KCNIP4: variants seen among roughly 807,000 people sequenced by gnomAD.
The protein encoded by KCNIP4 is Kv channel-interacting protein 4.
KCNIP4 carries 12 observed loss-of-function variants against 34.0 expected under a neutral mutation model. The ratio of observed to expected loss-of-function variants is 0.35; its 90% CI spans 0.23 to 0.57. KCNIP4 has a LOEUF of 0.57. Ranked by LOEUF, KCNIP4 falls within the 20% of genes least tolerant of loss-of-function variation. KCNIP4 has a pLI of 0.83. For missense variants in KCNIP4, 238 were observed against 311.7 expected (o/e 0.76, Z 1.78); for synonymous variants, 124 against 102.2 (o/e 1.21, Z -1.29).
rs576564729 is a variant in KCNIP4 at position 20,966,940 on chromosome 4, A to G, written c.62-84231T>C. ...TTATGATGATTTTCATCTTATGGGC[A>G]GGAGAACTGAGGTTCAGACAGGTTT... On this transcript the variant is annotated intron_variant, in intron 1 of 8. Coordinates refer to ENST00000382152, the MANE Select transcript of KCNIP4 (RefSeq NM_025221.6). Among the ~76,000 whole-genome samples the G allele has an allele frequency of 1.1e-4, 16 of 152,284 alleles. No homozygotes were observed. In the South Asian group the frequency reaches 3.3e-3, roughly 32 times the overall value.
intron 1 of KCNIP4, among the ~76,000 whole-genome samples, chr4:21,025,565 T>TG (rs1740480887): frequency 4.7e-5 from 6 of 127,782 alleles, no homozygotes; most frequent in Non-Finnish European, 6.6e-5. Flanking sequence ...TTTTTTTTTT[T>TG]TTTTTTGAGA....
At chr4:20,845,963 C>T (rs1334527229) in intron 3 of KCNIP4, among the ~76,000 whole-genome samples, 2 of 152,140 alleles carry the variant, frequency 1.3e-5, no homozygotes, top group Non-Finnish European at 2.9e-5. Context: ...TTTCTGAACT[C>T]CTGATCCTTG....
At chr4:21,775,675 T>A (rs1173279358) in intron 1 of KCNIP4, among the ~76,000 whole-genome samples, 1 of 152,096 alleles carries the variant, frequency 6.6e-6, no homozygotes, top group Non-Finnish European at 1.5e-5. Flanking sequence ...TTATTGGAGA[T>A]CCTGCAGAGA....
intron 1 of KCNIP4, among the ~76,000 whole-genome samples, chr4:21,646,069 A>G (rs1746986356): frequency 6.6e-6 from 1 of 152,104 alleles, no homozygotes; most frequent in South Asian, 2.1e-4. Flanking sequence ...GTTGTCTCTC[A>G]TCTGAATCAT....
intron 1 of KCNIP4, among the ~76,000 whole-genome samples, chr4:21,133,795 T>G (rs1433488): frequency 0.5 from 76,413 of 151,930 alleles, 20,096 homozygotes; most frequent in African/African-American, 0.65. Context: ...AAGTTGTATT[T>G]TGTTTTCTAA....
In KCNIP4 at chr4:21,574,250, A is replaced by ATTTCAT. The variant is rs561815127; in HGVS notation, c.61+374315_61+374320dup. Among the ~76,000 whole-genome samples, 133 of 152,224 alleles carry ATTTCAT rather than the reference A, an allele frequency of 8.7e-4. 1 individual carries two copies. The highest frequency in any genetic ancestry group is 3.0e-3 in the African/African-American group (125 of 41,544). On this transcript the variant is annotated intron_variant, in intron 1 of 8. Coordinates refer to ENST00000382152, the MANE Select transcript of KCNIP4 (RefSeq NM_025221.6). ...GTTTATCGTGTACCTGAAATTTACA[A>ATTTCAT]TTTCATTTTCATTTTCATTTTGACC...
intron 3 of KCNIP4, among the ~76,000 whole-genome samples, chr4:20,765,246 T>A (rs1755294435): frequency 6.6e-6 from 1 of 152,192 alleles, no homozygotes; most frequent in Non-Finnish European, 1.5e-5. Context: ...TGAATTGCAA[T>A]GCTATCTTGC....
At chr4:21,238,298 C>T (rs1046170822) in intron 1 of KCNIP4, among the ~76,000 whole-genome samples, 3 of 152,262 alleles carry the variant, frequency 2.0e-5, no homozygotes, top group African/African-American at 7.2e-5. Context: ...AAACTGGAAG[C>T]ATTCCCTTTG....
intron 1 of KCNIP4, among the ~76,000 whole-genome samples, chr4:21,775,609 C>T (rs908577217): frequency 6.6e-6 from 1 of 152,188 alleles, no homozygotes; most frequent in African/African-American, 2.4e-5. Flanking sequence ...CACCCTTCCC[C>T]CTAGGTGCTG....
chr4:21,084,947 C>A (rs1746291309), intron 1 of KCNIP4, among the ~76,000 whole-genome samples: 1 of 149,762 alleles, frequency 6.7e-6, no homozygotes, highest in Non-Finnish European at 1.5e-5. Flanking sequence ...AAATATAGAT[C>A]CCATATTATA....
At chr4:21,660,962 G>A (rs1748402218) in intron 1 of KCNIP4, among the ~76,000 whole-genome samples, 1 of 151,970 alleles carries the variant, frequency 6.6e-6, no homozygotes, top group South Asian at 2.1e-4. Flanking sequence ...TCCTGTTTTC[G>A]TGCCCAAATG....
intron 1 of KCNIP4, among the ~76,000 whole-genome samples, chr4:20,956,328 C>T (rs1733297328): frequency 6.6e-6 from 1 of 152,068 alleles, no homozygotes; most frequent in African/African-American, 2.4e-5. Context: ...CACACTGAAA[C>T]CCCATCTCTA....
At chr4:21,434,651 G>C (rs189279780) in intron 1 of KCNIP4, among the ~76,000 whole-genome samples, 1 of 152,042 alleles carries the variant, frequency 6.6e-6, no homozygotes, top group East Asian at 1.9e-4. Context: ...GAACCCTGTT[G>C]TGAACTGTGC....
At chr4:21,394,088 T>C (rs1722770898) in intron 1 of KCNIP4, among the ~76,000 whole-genome samples, 1 of 152,220 alleles carries the variant, frequency 6.6e-6, no homozygotes, top group Admixed American at 6.5e-5. Flanking sequence ...CTGTGCAGTC[T>C]TTAGAGAAAA....
Position 20,729,869 on chromosome 4 carries a change from C to T in KCNIP4, c.*213G>A. The T allele has an allele frequency of 2.2e-6, 1 of 444,588 alleles. No homozygotes were observed. The allele number at this position is 444,588 out of a possible 1,614,324, so 27.5% of individuals were successfully genotyped here. On this transcript the variant is annotated 3_prime_UTR_variant, in exon 9 of 9. Transcript: ENST00000382152. ...TCACAGAGTATGAAATGAGTTAGAC[C>T]ATCCCCTGAACTCAGTGGCATTATG...
chr4:21,684,128 A>G (rs1339938036), intron 1 of KCNIP4, among the ~76,000 whole-genome samples: 1 of 152,182 alleles, frequency 6.6e-6, no homozygotes, highest in Non-Finnish European at 1.5e-5. Context: ...TAAAAGTTAA[A>G]AAAAATAAAT....
chr4:21,258,629 GA>G (rs1428726500), intron 1 of KCNIP4, among the ~76,000 whole-genome samples: 1 of 152,096 alleles, frequency 6.6e-6, no homozygotes, highest in Non-Finnish European at 1.5e-5. Context: ...TTGTGCATTT[GA>G]AAACAGAGGT....
intron 1 of KCNIP4, among the ~76,000 whole-genome samples, chr4:21,369,484 C>T (rs572799901): frequency 1.4e-5 from 2 of 146,930 alleles, no homozygotes; most frequent in African/African-American, 5.5e-5. Context: ...GTAATCCCAG[C>T]ATTCTGGGGG....
chr4:21,433,508 G>C (rs1184196404), intron 1 of KCNIP4, among the ~76,000 whole-genome samples: 2 of 152,192 alleles, frequency 1.3e-5, no homozygotes, highest in African/African-American at 4.8e-5. Context: ...GCCACACCTA[G>C]CTAACCCGCA....
Sources: allele counts gnomAD v4.1 joint callset (sites outside exome capture counted in the v4.1 genomes callset), GRCh38; gene constraint gnomAD v4.1.1; transcripts MANE v1.5; gene names NCBI Gene and HGNC (gene_info 2026-07-23, HGNC 2026-07-21).